ASRGL1: variants seen among roughly 807,000 people sequenced by gnomAD.
ASRGL1 encodes the protein asparaginase and isoaspartyl peptidase 1.
A neutral mutation model predicts 22.4 loss-of-function variants in ASRGL1; 16 were observed. The observed-to-expected ratio is 0.71, with a 90% confidence interval of 0.48 to 1.08. The LOEUF (loss-of-function observed/expected upper bound fraction) is 1.08. Ranked by LOEUF, ASRGL1 falls within the 50% of genes least tolerant of loss-of-function variation. The pLI is 0.00. For synonymous variants in ASRGL1, 165 were observed against 159.3 expected, an observed-to-expected ratio of 1.04 and a Z score of -0.27; for missense variants, 412 against 410.1, an observed-to-expected ratio of 1.00 and a Z score of -0.04.
chr11:62,337,494 G>C lies in ASRGL1; in HGVS notation c.-169G>C, dbSNP rs1318576944. The C allele has an allele frequency of 6.3e-6, 1 of 159,074 alleles. No homozygotes were observed. Among genetic ancestry groups the C allele is most frequent in the Non-Finnish European group, 1.4e-5 (1 of 72,638 alleles). 9.9% of individuals were successfully genotyped at this position (159,074 alleles called of 1,614,324 possible). A position where few individuals can be genotyped will look rare whatever the true frequency, so the allele number is the denominator to read the frequency against. ...GGCTGAGCGGTTTCGAGCCGGCGTCGGGGAGCGGCGGTACCGGGCGGCTGC... is the reference window on the plus strand; with the variant it reads ...GGCTGAGCGGTTTCGAGCCGGCGTCCGGGAGCGGCGGTACCGGGCGGCTGC... On this transcript the variant is annotated 5_prime_UTR_variant, in exon 1 of 7. Coordinates refer to ENST00000415229, the MANE Select transcript of ASRGL1 (RefSeq NM_001083926.2).
chr11:62,389,682 G>C, intron 5 of ASRGL1: 2 of 315,518 alleles, frequency 6.3e-6, no homozygotes, highest in South Asian at 5.6e-5. Flanking sequence ...GCATGAAAGT[G>C]ACATACTTCT....
intron 4 of ASRGL1, among the ~76,000 whole-genome samples, chr11:62,368,423 C>G (rs1417724078): frequency 6.6e-6 from 1 of 152,076 alleles, no homozygotes; most frequent in Non-Finnish European, 1.5e-5. Flanking sequence ...TGGACAGATA[C>G]ACAGGTGTAT....
At chr11:62,362,671 T>A (rs192562757) in intron 4 of ASRGL1, among the ~76,000 whole-genome samples, 16 of 60,930 alleles carry the variant, frequency 2.6e-4, no homozygotes, top group Non-Finnish European at 4.0e-4. Context: ...AAATATATAA[T>A]ATATATTATA....
chr11:62,338,798 A>AT (rs1180417078), intron 2 of ASRGL1, among the ~76,000 whole-genome samples: 2 of 151,654 alleles, frequency 1.3e-5, no homozygotes, highest in East Asian at 3.9e-4. Flanking sequence ...AAAAAAAAAA[A>AT]GCCAGGCGTG....
Position 62,391,985 on chromosome 11 carries a change from G to C in ASRGL1, c.722-94G>C, listed in dbSNP as rs1052650273. On this transcript the variant is annotated intron_variant, in intron 6 of 6. Transcript: ENST00000415229. ...AGGCGTTCATTTACCAAAAATCCTT[G>C]CTAGCTCACTTTGGCATTTCAAATG... 9.0e-6 allele frequency: 13 copies of C among 1,437,842 alleles called. No individual in the cohort carries two copies. The East Asian group carries it at 2.5e-4, about 28-fold the overall frequency. The allele number at this position is 1,437,842 out of a possible 1,614,324, so 89.1% of individuals were successfully genotyped here. A position where few individuals can be genotyped will look rare whatever the true frequency, so the allele number is the denominator to read the frequency against.
At chr11:62,372,255 G>T (rs899792636) in intron 4 of ASRGL1, 4 of 1,574,420 alleles carry the variant, frequency 2.5e-6, no homozygotes, top group Admixed American at 3.3e-5. Flanking sequence ...CCACACCTTG[G>T]CCTTGACGGA....
chr11:62,386,307 C>T (rs1947198927), intron 4 of ASRGL1, among the ~76,000 whole-genome samples: 1 of 152,152 alleles, frequency 6.6e-6, no homozygotes, highest in African/African-American at 2.4e-5. Context: ...CTTTCAGTTA[C>T]CCACACTCAA....
chr11:62,348,535 T>C (rs1259836633), intron 2 of ASRGL1, among the ~76,000 whole-genome samples: 1 of 151,742 alleles, frequency 6.6e-6, no homozygotes, highest in Non-Finnish European at 1.5e-5. Context: ...AAACCCCGTC[T>C]CTACTAAAAA....
At chr11:62,377,452 G>A (rs1946959273) in intron 4 of ASRGL1, among the ~76,000 whole-genome samples, 1 of 152,132 alleles carries the variant, frequency 6.6e-6, no homozygotes, top group Admixed American at 6.5e-5. Context: ...AACCAACTCA[G>A]CTCTTTGAGC....
chr11:62,372,541 C>G (rs569809206), intron 4 of ASRGL1: 3 of 936,038 alleles, frequency 3.2e-6, no homozygotes, highest in Non-Finnish European at 5.3e-6. Context: ...AGTTCCCCAG[C>G]GAGTGGCCAT....
At chr11:62,344,189 C>T (rs141810010) in intron 2 of ASRGL1, among the ~76,000 whole-genome samples, 1 of 152,054 alleles carries the variant, frequency 6.6e-6, no homozygotes, top group East Asian at 1.9e-4. Context: ...AGCCACTGCG[C>T]TTGGCCTGTC....
intron 4 of ASRGL1, chr11:62,371,128 G>A (rs1038853480): frequency 2.0e-6 from 2 of 980,096 alleles, no homozygotes; most frequent in Non-Finnish European, 1.4e-6. Context: ...CCAACCAGCC[G>A]CAACCATGCC....
At chr11:62,337,700 C>T (rs1436248240) in intron 1 of ASRGL1, 126 bp downstream of exon 1, 15 of 373,992 alleles carry the variant, frequency 4.0e-5, no homozygotes, top group Non-Finnish European at 6.7e-5. Context: ...TGGAGGCGGG[C>T]GGCGGTGGGC....
At chr11:62,383,627 A>AAAAAAAAAAAAG (rs1281531653) in intron 4 of ASRGL1, among the ~76,000 whole-genome samples, 3 of 137,010 alleles carry the variant, frequency 2.2e-5, no homozygotes, top group Non-Finnish European at 4.7e-5. Context: ...AAAAAAAAAA[A>AAAAAAAAAAAAG]AGAACATCAT....
At chr11:62,345,047 A>G (rs141938564) in intron 2 of ASRGL1, among the ~76,000 whole-genome samples, 1,999 of 152,304 alleles carry the variant, frequency 0.013, 51 homozygotes, top group Admixed American at 0.065. Context: ...CAAATGACAG[A>G]ATCTCATTCT....
the ASRGL1 span, among the ~76,000 whole-genome samples, chr11:62,399,638 G>A: frequency 6.6e-6 from 1 of 152,208 alleles, no homozygotes; most frequent in Admixed American, 6.5e-5. Context: ...GATGGGGAAG[G>A]CATGAGTGTC....
chr11:62,346,751 C>T (rs746537987), intron 2 of ASRGL1, among the ~76,000 whole-genome samples: 1 of 152,138 alleles, frequency 6.6e-6, no homozygotes, highest in Non-Finnish European at 1.5e-5. Context: ...AGGCAGATCA[C>T]CTGAGGTCAG....
intron 2 of ASRGL1, among the ~76,000 whole-genome samples, chr11:62,345,888 C>T (rs918531663): frequency 3.9e-5 from 6 of 152,118 alleles, no homozygotes; most frequent in African/African-American, 9.7e-5. Flanking sequence ...TGACAGGAGG[C>T]GGAGCTCAGG....
At chr11:62,356,859 A>G in intron 3 of ASRGL1, 128 bp from the exon 4 acceptor site, 2 of 1,210,692 alleles carry the variant, frequency 1.7e-6, no homozygotes, top group Non-Finnish European at 2.2e-6. Context: ...AGAAAAGCAA[A>G]CCACTGGAAT....
Sources: allele counts gnomAD v4.1 joint callset (sites outside exome capture counted in the v4.1 genomes callset), GRCh38; gene constraint gnomAD v4.1.1; transcripts MANE v1.5; gene names NCBI Gene and HGNC (gene_info 2026-07-23, HGNC 2026-07-21).